Variants in UNC80 observed in about 807,000 individuals in gnomAD.
UNC80 encodes the protein protein unc-80 homolog.
UNC80 carries 164 observed loss-of-function variants against 384.6 expected under a neutral mutation model. The observed-to-expected ratio is 0.43, with a 90% CI of 0.38 to 0.49. The LOEUF is 0.49. Ranked by LOEUF, UNC80 falls within the 20% of genes least tolerant of loss-of-function variation. The pLI, the probability that UNC80 is intolerant of heterozygous loss-of-function variation, is 0.00. For synonymous variants in UNC80, 1,486 were observed against 1,527.8 expected, an observed-to-expected ratio of 0.97 and a Z score of 0.64; for missense variants, 3,330 against 4,143.0, an observed-to-expected ratio of 0.80 and a Z score of 5.39.
intron 60 of UNC80, among the ~76,000 whole-genome samples, chr2:209,983,422 G>C (rs191086969): frequency 6.6e-6 from 1 of 152,188 alleles, no homozygotes; most frequent in East Asian, 1.9e-4. Context: ...ACTATATAAA[G>C]GTTTGTATCA....
At chr2:209,855,551 GAC>G (rs1325072452) in intron 22 of UNC80, among the ~76,000 whole-genome samples, 3 of 152,196 alleles carry the variant, frequency 2.0e-5, no homozygotes, top group African/African-American at 7.2e-5. Flanking sequence ...ACATATCCAT[GAC>G]ACAAAACATT....
intron 35 of UNC80, 146 bp downstream of exon 35, chr2:209,922,529 A>C: frequency 9.7e-7 from 1 of 1,028,646 alleles, no homozygotes; most frequent in Non-Finnish European, 1.4e-6. Context: ...TTAGCATGGC[A>C]TCCTTTAAAA....
chr2:209,826,041 A>T lies in UNC80; in HGVS notation c.2466A>T (p.Val822=). ...GLSGDRLRHQ[V]FRENAQNCLT... is the part of the protein sequence containing the mutation. ...CTGGAGATCGTCTGAGACACCAGGT[A>T]TTCCGAGAGAATGTAAGAGAATTAA... Residue 822 remains valine (V), a synonymous_variant, in exon 14 of 65, where the codon GTA becomes GTT. Transcript: ENST00000673920. The T allele has an allele frequency of 1.5e-5, 24 of 1,548,728 alleles. No individual in the cohort carries two copies. Among genetic ancestry groups the T allele is most frequent in the Non-Finnish European group, 2.1e-5 (24 of 1,145,862 alleles).
chr2:209,929,856 C>T lies in UNC80; in HGVS notation c.5807-15C>T, dbSNP rs1313549893. On this transcript the variant is annotated splice_polypyrimidine_tract_variant and intron_variant, in intron 36 of 64. Coordinates refer to ENST00000673920, the MANE Select transcript of UNC80 (RefSeq NM_001371986.1). ...CCATTAAAGACAAATGTTCAACTTT[C>T]TTTCTCTTCTGAAGTGAGTGCTGTG... The T allele has an allele frequency of 6.7e-7, 1 of 1,497,438 alleles. No homozygotes were observed. The highest frequency in any genetic ancestry group is 1.4e-5 in the African/African-American group (1 of 70,154). 92.8% of individuals were successfully genotyped at this position (1,497,438 alleles called of 1,614,324 possible). A position where few individuals can be genotyped will look rare whatever the true frequency, so the allele number is the denominator to read the frequency against.
chr2:209,874,293 G>A (rs1049498730), intron 23 of UNC80, among the ~76,000 whole-genome samples: 5 of 152,124 alleles, frequency 3.3e-5, no homozygotes, highest in African/African-American at 1.2e-4. Context: ...GTGGAGAGAT[G>A]TTCCAACCCC....
In UNC80 at chr2:209,995,347, G is replaced by A. The variant is rs2093466553; in HGVS notation, c.9727G>A (p.Glu3243Lys). Residue 3243 changes from glutamate to lysine, a missense_variant, in exon 65 of 65, where the codon GAA becomes AAA. Physicochemically the swap from Glu to Lys is moderately conservative, Grantham distance 56. Transcript: ENST00000673920. ...ATCACAGAGTGAGAACTTCCCCACT[G>A]AAGAAGGAGAAAAGGAGGAGGACAC... The part of the protein sequence containing the change: ...SPKQSENFPT[E>K]EGEKEEDTEA... 3.2e-6 allele frequency: 5 copies of A among 1,552,170 alleles called. No individual in the cohort carries two copies. In the East Asian group the frequency reaches 1.2e-4, roughly 38 times the overall value.
chr2:209,855,133 A>G (rs1249659099), intron 22 of UNC80, among the ~76,000 whole-genome samples: 2 of 152,238 alleles, frequency 1.3e-5, no homozygotes, highest in African/African-American at 4.8e-5. Flanking sequence ...GAATGAGATC[A>G]TGTCTTTTGC....
At chr2:209,800,907 G>T (rs1574496687) in intron 7 of UNC80, among the ~76,000 whole-genome samples, 1 of 152,250 alleles carries the variant, frequency 6.6e-6, no homozygotes, top group East Asian at 1.9e-4. Context: ...ATTACACTGT[G>T]GTCTGTGAGA....
chr2:209,793,274 A>T (rs1481502067), intron 6 of UNC80, among the ~76,000 whole-genome samples: 3 of 152,188 alleles, frequency 2.0e-5, no homozygotes, highest in African/African-American at 7.2e-5. Context: ...CTCTCCACTG[A>T]TGAATGAAGG....
intron 22 of UNC80, among the ~76,000 whole-genome samples, chr2:209,854,617 A>C (rs2082758229): frequency 6.6e-6 from 1 of 152,176 alleles, no homozygotes; most frequent in African/African-American, 2.4e-5. Flanking sequence ...GAAAAAAAAC[A>C]TTAAAAAGTG....
chr2:209,804,835 G>A lies in UNC80; in HGVS notation c.939-8745G>A, dbSNP rs537455887. On this transcript the variant is annotated intron_variant, in intron 7 of 64. Transcript: ENST00000673920. ...GGCTGGAGTGTAGTGGCGCAATCTC[G>A]GCTCACTGCAAGCTCCGAAAGGGCC... is the stretch of plus-strand genomic sequence containing the variant. Among the ~76,000 whole-genome samples the A allele has an allele frequency of 4.1e-4, 62 of 150,728 alleles. 1 individual carries two copies. The highest frequency in any genetic ancestry group is 1.5e-3 in the African/African-American group (61 of 41,066).
intron 28 of UNC80, among the ~76,000 whole-genome samples, chr2:209,904,050 T>C (rs556224794): frequency 1.3e-5 from 2 of 152,292 alleles, no homozygotes; most frequent in Admixed American, 1.3e-4. Flanking sequence ...CTTAAGAAGT[T>C]CCAAATGCAA....
At chr2:209,862,377 C>T (rs1250997936) in intron 22 of UNC80, among the ~76,000 whole-genome samples, 6 of 152,176 alleles carry the variant, frequency 3.9e-5, no homozygotes, top group African/African-American at 7.2e-5. Context: ...TGAATATTCT[C>T]GTTAATTTTC....
intron 2 of UNC80, among the ~76,000 whole-genome samples, chr2:209,774,881 A>G (rs1004066867): frequency 6.6e-5 from 10 of 152,142 alleles, no homozygotes; most frequent in Non-Finnish European, 1.5e-4. Context: ...AAAAGTAAAA[A>G]GTTTTCTTTG....
In UNC80 at chr2:209,945,894, A is replaced by G; in HGVS notation, c.7237A>G (p.Ile2413Val). 1.9e-6 allele frequency: 3 copies of G among 1,552,110 alleles called. No homozygotes were observed. Among genetic ancestry groups the G allele is most frequent in the Non-Finnish European group, 2.6e-6 (3 of 1,147,014 alleles). ...TCTGACATTTTCTATCAGTGAAGCCATTAAGCTCTGTGTCACTGTGGTGGC... is the reference window on the plus strand; with the variant it reads ...TCTGACATTTTCTATCAGTGAAGCCGTTAAGCTCTGTGTCACTGTGGTGGC... Reference protein sequence around the residue: ...EDLTFSISEAIKLCVTVVAYA... With the variant: ...EDLTFSISEAVKLCVTVVAYA... Residue 2413 changes from isoleucine to valine, a missense_variant, in exon 47 of 65, where the codon ATT becomes GTT. Transcript: ENST00000673920.
intron 46 of UNC80, 58 bp downstream of exon 46, chr2:209,945,247 A>G: frequency 5.3e-6 from 8 of 1,507,860 alleles, no homozygotes; most frequent in Non-Finnish European, 3.6e-6. Flanking sequence ...AAATATAAAT[A>G]TATGTATTAT....
In UNC80 at chr2:209,951,298, TCTC is replaced by T. The variant is rs757358239; in HGVS notation, c.7287-2801_7287-2799del. On this transcript the variant is annotated intron_variant, in intron 47 of 64. Coordinates refer to ENST00000673920, the MANE Select transcript of UNC80 (RefSeq NM_001371986.1). ...TTGAATTTAACGTGTCCTTTTTTTT[TCTC>T]TCTCTCTCTCTTTTGAGATGGAATC... is the stretch of plus-strand genomic sequence containing the variant. 2.0e-3 allele frequency among the ~76,000 whole-genome samples: 301 copies of T among 151,016 alleles called. 2 individuals carry two copies. The highest frequency in any genetic ancestry group is 7.0e-3 in the African/African-American group (288 of 40,950).
Position 209,789,560 on chromosome 2 carries a change from A to T in UNC80, c.753A>T (p.Gln251His). 1 of 1,613,680 alleles carries T rather than the reference A, an allele frequency of 6.2e-7. No homozygotes were observed. Among genetic ancestry groups the T allele is most frequent in the South Asian group, 1.1e-5 (1 of 91,058 alleles). Reference protein sequence around the residue: ...TAKRSSPINSQSRTCESPNQD... With the variant: ...TAKRSSPINSHSRTCESPNQD... Reference sequence around the variant, plus strand: ...AGAGAAGTTCTCCTATCAACAGTCAAAGCCGGACCTGTGAATCACCAAATC... The same window carrying T: ...AGAGAAGTTCTCCTATCAACAGTCATAGCCGGACCTGTGAATCACCAAATC... The change falls in exon 6 of 65, where the codon CAA becomes CAT. Residue 251 changes from glutamine to histidine, a missense_variant. Coordinates refer to ENST00000673920, the MANE Select transcript of UNC80 (RefSeq NM_001371986.1).
chr2:209,972,440 AT>A, intron 55 of UNC80, 116 bp downstream of exon 55: 1 of 1,363,926 alleles, frequency 7.3e-7, no homozygotes, highest in Non-Finnish European at 9.9e-7. Flanking sequence ...AGTCTGAATG[AT>A]TTAAATAGGG....
Sources: allele counts gnomAD v4.1 joint callset (sites outside exome capture counted in the v4.1 genomes callset), GRCh38; gene constraint gnomAD v4.1.1; transcripts MANE v1.5; gene names NCBI Gene and HGNC (gene_info 2026-07-23, HGNC 2026-07-21).